The following GALNT13 variants were observed in gnomAD, a reference collection of about 807,000 sequenced individuals.
GALNT13 encodes the protein UDP-GalNAc:polypeptide N-acetylgalactosaminyltransferase 13.
In GALNT13, 28 loss-of-function variants were observed where a neutral mutation model predicts 64.2. That is an observed-to-expected ratio of 0.44 (90% confidence interval 0.32 to 0.60). The LOEUF (loss-of-function observed/expected upper bound fraction) is 0.60, where lower values mean the gene tolerates loss of function less well. Among genes scored for constraint, GALNT13 ranks in the 20% least tolerant of loss-of-function variants. GALNT13 has a pLI of 0.05. For missense variants in GALNT13, 577 were observed against 669.8 expected (o/e 0.86, Z 1.53); for synonymous variants, 214 against 224.6 (o/e 0.95, Z 0.42).
the GALNT13 span, among the ~76,000 whole-genome samples, chr2:153,641,077 C>A: frequency 6.6e-6 from 1 of 152,106 alleles, no homozygotes; most frequent in Non-Finnish European, 1.5e-5. Flanking sequence ...CTGAAATAAT[C>A]TTTTCTTGTA....
chr2:153,900,298 A>T (rs1166677657), intron 1 of GALNT13, among the ~76,000 whole-genome samples: 1 of 152,192 alleles, frequency 6.6e-6, no homozygotes, highest in Non-Finnish European at 1.5e-5. Context: ...TCTAAAACAA[A>T]TTAATTAATA....
At chr2:154,342,151 T>C (rs1695806552) in intron 9 of GALNT13, among the ~76,000 whole-genome samples, 1 of 151,942 alleles carries the variant, frequency 6.6e-6, no homozygotes, top group South Asian at 2.1e-4. Context: ...AGGAAAAAAG[T>C]TCAGGCTGGA....
intron 4 of GALNT13, among the ~76,000 whole-genome samples, chr2:154,237,518 T>TTATA (rs10624007): frequency 0.037 from 5,251 of 142,626 alleles, 134 homozygotes; most frequent in African/African-American, 0.07. Context: ...TCTGCCAGCT[T>TTATA]TATATATATA....
In GALNT13 at chr2:154,242,920, G is replaced by A. The variant is rs1689576239; in HGVS notation, c.686+15G>A. ...AAGGAAGACAGGTAAGAATTTATGT[G>A]TTCTGTCTGCCTGGGTTATGACTGA... On this transcript the variant is annotated intron_variant, in intron 6 of 12. Coordinates refer to ENST00000392825, the MANE Select transcript of GALNT13 (RefSeq NM_052917.4). The A allele has an allele frequency of 6.2e-7, 1 of 1,605,642 alleles. No homozygotes were observed. The highest frequency in any genetic ancestry group is 8.5e-7 in the Non-Finnish European group (1 of 1,172,868).
the GALNT13 span, among the ~76,000 whole-genome samples, chr2:153,356,199 A>T: frequency 6.6e-6 from 1 of 152,234 alleles, no homozygotes; most frequent in Non-Finnish European, 1.5e-5. Flanking sequence ...ATTATATATC[A>T]GTCACCCCAA....
At chr2:154,185,636 T>C (rs1369818865) in intron 4 of GALNT13, among the ~76,000 whole-genome samples, 1 of 151,972 alleles carries the variant, frequency 6.6e-6, no homozygotes, top group Non-Finnish European at 1.5e-5. Context: ...CTGTTAAAGT[T>C]CTCCATTGAC....
the GALNT13 span, among the ~76,000 whole-genome samples, chr2:153,226,462 CTG>C: frequency 6.6e-6 from 1 of 152,114 alleles, no homozygotes; most frequent in Non-Finnish European, 1.5e-5. Context: ...CAAACACTAT[CTG>C]AGTCAGGTAA....
the GALNT13 span, among the ~76,000 whole-genome samples, chr2:153,091,104 C>A: frequency 9.2e-5 from 14 of 152,188 alleles, no homozygotes; most frequent in Admixed American, 3.3e-4. Context: ...TGTAGCAGCT[C>A]CCACTCATCC....
intron 1 of GALNT13, among the ~76,000 whole-genome samples, chr2:153,878,468 C>T (rs1686548357): frequency 6.6e-6 from 1 of 152,190 alleles, no homozygotes; most frequent in Non-Finnish European, 1.5e-5. Flanking sequence ...ATTCCATTCT[C>T]TTCCTAGTTT....
At chr2:153,092,562 A>T in the GALNT13 span, among the ~76,000 whole-genome samples, 1 of 151,748 alleles carries the variant, frequency 6.6e-6, no homozygotes, top group East Asian at 1.9e-4. Context: ...TTATTTCTTT[A>T]GTTAATTCCT....
the GALNT13 span, among the ~76,000 whole-genome samples, chr2:153,693,468 T>C: frequency 9.8e-4 from 149 of 152,282 alleles, 1 homozygote; most frequent in Non-Finnish European, 3.1e-4. Flanking sequence ...GCGGGATCTA[T>C]AGGTTGTAAA....
chr2:153,760,816 A>G, the GALNT13 span, among the ~76,000 whole-genome samples: 1 of 152,120 alleles, frequency 6.6e-6, no homozygotes, highest in East Asian at 1.9e-4. Flanking sequence ...TCCATTGTTG[A>G]AAGTAGGGAA....
chr2:153,488,710 C>T, the GALNT13 span, among the ~76,000 whole-genome samples: 1 of 152,106 alleles, frequency 6.6e-6, no homozygotes, highest in Non-Finnish European at 1.5e-5. Flanking sequence ...AAGACTCAGA[C>T]AATTGAAAAC....
At chr2:153,617,349 T>C in the GALNT13 span, among the ~76,000 whole-genome samples, 25 of 152,078 alleles carry the variant, frequency 1.6e-4, no homozygotes, top group Non-Finnish European at 3.1e-4. Flanking sequence ...ATTCTGTTGA[T>C]ATGATGTATT....
chr2:153,939,142 G>A (rs2105373240), intron 2 of GALNT13, among the ~76,000 whole-genome samples: 1 of 152,270 alleles, frequency 6.6e-6, no homozygotes, highest in East Asian at 1.9e-4. Flanking sequence ...CAGTGAGTAA[G>A]GTGTGTGTGC....
At chr2:153,616,652 T>C in the GALNT13 span, among the ~76,000 whole-genome samples, 1 of 152,010 alleles carries the variant, frequency 6.6e-6, no homozygotes, top group Non-Finnish European at 1.5e-5. Context: ...TCTTCTTTGG[T>C]TAATTTCTAG....
the GALNT13 span, among the ~76,000 whole-genome samples, chr2:153,216,060 T>A: frequency 6.6e-6 from 1 of 151,982 alleles, no homozygotes; most frequent in African/African-American, 2.4e-5. Context: ...TCCAGAATGT[T>A]AAAGAAGTGG....
the GALNT13 span, among the ~76,000 whole-genome samples, chr2:153,630,951 G>T: frequency 1.3e-5 from 2 of 150,140 alleles, no homozygotes; most frequent in African/African-American, 4.9e-5. Flanking sequence ...CTAGTGCTAT[G>T]CCTCCCCACT....
At chr2:153,585,218 A>G in the GALNT13 span, among the ~76,000 whole-genome samples, 1 of 152,196 alleles carries the variant, frequency 6.6e-6, no homozygotes, top group African/African-American at 2.4e-5. Flanking sequence ...CTAAGGAGAT[A>G]GATATTTACA....
Sources: gnomAD v4.1 joint callset for allele counts (sites outside exome capture counted in the v4.1 genomes callset) on GRCh38, gnomAD v4.1.1 for gene constraint, MANE v1.5 for transcripts, NCBI Gene and HGNC (gene_info 2026-07-23, HGNC 2026-07-21) for gene names.